SYNE2: variants seen among roughly 807,000 people sequenced by gnomAD.
The protein encoded by SYNE2 is spectrin repeat containing nuclear envelope protein 2.
In SYNE2, 431 loss-of-function variants were observed where a neutral mutation model predicts 856.3. The ratio of observed to expected loss-of-function variants is 0.50; its 90% CI spans 0.47 to 0.55. SYNE2 has a LOEUF of 0.55. Among genes scored for constraint, SYNE2 ranks in the 20% least tolerant of loss-of-function variants. The pLI is 0.00. For missense variants in SYNE2, 8,129 were observed against 8,023.2 expected (o/e 1.01, Z -0.50); for synonymous variants, 2,923 against 2,872.3 (o/e 1.02, Z -0.56).
chr14:64,186,429 A>G lies in SYNE2; in HGVS notation c.17562A>G (p.Leu5854=). 1 of 1,614,214 alleles carries G rather than the reference A, an allele frequency of 6.2e-7. No individual in the cohort carries two copies. Among genetic ancestry groups the G allele is most frequent in the Non-Finnish European group, 8.5e-7 (1 of 1,180,024 alleles). The change falls in exon 97 of 116, where the codon CTA becomes CTG. Residue 5854 remains leucine, a synonymous_variant. Transcript: ENST00000555002. ...LHNEKELIKE[L]EQSLASWTQN... is the part of the protein sequence containing the mutation. The stretch of plus-strand genomic sequence containing the variant: ...CTTCTTGTGATTAAATGCAGGAACT[A>G]GAACAGTCTTTGGCTAGCTGGACTC...
chr14:63,957,794 T>C (rs2096259427), intron 8 of SYNE2, among the ~76,000 whole-genome samples: 1 of 152,136 alleles, frequency 6.6e-6, no homozygotes, highest in Non-Finnish European at 1.5e-5. Context: ...ATCAAGGTTG[T>C]CATGGTGAAG....
At chr14:64,206,793 C>T (rs2098607329) in intron 100 of SYNE2, among the ~76,000 whole-genome samples, 2 of 151,964 alleles carry the variant, frequency 1.3e-5, no homozygotes, top group Admixed American at 1.3e-4. Flanking sequence ...CCACCTGGAG[C>T]CAGATGAGGT....
intron 96 of SYNE2, among the ~76,000 whole-genome samples, chr14:64,181,184 G>T (rs1371172438): frequency 1.1e-4 from 16 of 151,832 alleles, no homozygotes; most frequent in African/African-American, 3.6e-4. Flanking sequence ...GTCTTCCATT[G>T]TTGATTTTAG....
chr14:64,174,548 A>G (rs2098425049), intron 94 of SYNE2, among the ~76,000 whole-genome samples: 2 of 152,128 alleles, frequency 1.3e-5, no homozygotes, highest in Admixed American at 6.5e-5. Flanking sequence ...CTTTCCTTTT[A>G]CATTTGTTTA....
chr14:63,837,026 T>G (rs1318238410), intron 1 of SYNE2, among the ~76,000 whole-genome samples: 1 of 152,206 alleles, frequency 6.6e-6, no homozygotes, highest in Non-Finnish European at 1.5e-5. Flanking sequence ...AGCTTTTAAT[T>G]TGTGTTACTA....
At position 64,225,437 on chromosome 14, in the gene SYNE2, G is replaced by T. The variant is rs371152824; in HGVS notation, c.20635G>T (p.Glu6879Ter). 3 of 1,612,930 alleles carry T rather than the reference G, an allele frequency of 1.9e-6. No homozygotes were observed. Among genetic ancestry groups the T allele is most frequent in the African/African-American group, 2.7e-5 (2 of 74,902 alleles). Residue 6879 changes from glutamate to a stop codon, truncating the protein, a stop_gained, in exon 116 of 116, where the codon GAA (glutamate) becomes TAA (stop). Coordinates refer to ENST00000555002, the MANE Select transcript of SYNE2 (RefSeq NM_182914.3). LOFTEE classifies it high-confidence loss of function. ...CCTGGCCTGCCTGCTGCCCTCCTCC[G>T]AAGAAGACTACAGCTGCACTCAGGC... ...LLLACLLPSS[E>*]EDYSCTQANN...
intron 96 of SYNE2, among the ~76,000 whole-genome samples, chr14:64,183,624 A>C (rs1035071940): frequency 1.3e-5 from 2 of 152,188 alleles, no homozygotes; most frequent in Middle Eastern, 3.2e-3. Context: ...AGCCTGGGCA[A>C]CATTGAGCAC....
chr14:63,780,808 G>C (rs1458294157), intron 1 of SYNE2, among the ~76,000 whole-genome samples: 2 of 152,132 alleles, frequency 1.3e-5, no homozygotes, highest in Non-Finnish European at 2.9e-5. Flanking sequence ...TGCTTCATTT[G>C]CATGTTGTTC....
chr14:64,022,944 G>A (rs1594928826), intron 38 of SYNE2, 81 bp downstream of exon 38: 1 of 803,734 alleles, frequency 1.2e-6, no homozygotes, highest in Non-Finnish European at 2.1e-6. Flanking sequence ...AAATAAATAG[G>A]GAGGCTGGGC....
Position 63,982,770 on chromosome 14 carries a change from A to G in SYNE2, c.1977A>G (p.Arg659=), listed in dbSNP as rs1262751030. Residue 659 remains arginine, a synonymous_variant, in exon 17 of 116, where the codon AGA becomes AGG. Transcript: ENST00000555002. ...KELRRLNKRW[R]KLVSKTQLEM... ...TGAGAAGGCTGAATAAAAGATGGAG[A>G]AAGTTGGTTTCAAAAACTCAACTTG... 6.2e-7 allele frequency: 1 copy of G among 1,614,082 alleles called. No homozygotes were observed. The highest frequency in any genetic ancestry group is 1.7e-5 in the Admixed American group (1 of 60,018).
At chr14:64,159,923 C>T (rs1050634923) in intron 87 of SYNE2, among the ~76,000 whole-genome samples, 19 of 152,132 alleles carry the variant, frequency 1.2e-4, no homozygotes, top group Middle Eastern at 3.2e-3. Context: ...TGAAAGCTCC[C>T]TTTAAGGAGT....
intron 11 of SYNE2, among the ~76,000 whole-genome samples, chr14:63,969,550 C>T: frequency 6.6e-6 from 1 of 151,858 alleles, no homozygotes; most frequent in Non-Finnish European, 1.5e-5. Flanking sequence ...ACTGTTTTAG[C>T]CATGATGATC....
chr14:63,907,451 G>C (rs1372272463), intron 1 of SYNE2, among the ~76,000 whole-genome samples: 3 of 152,082 alleles, frequency 2.0e-5, no homozygotes, highest in Non-Finnish European at 4.4e-5. Context: ...TCTAAGCTTT[G>C]TCTTTTCAAA....
chr14:64,071,012 T>C (rs1191373092), intron 52 of SYNE2, 102 bp downstream of exon 52: 1 of 1,236,582 alleles, frequency 8.1e-7, no homozygotes, highest in Non-Finnish European at 1.2e-6. Flanking sequence ...TACAATAGAA[T>C]TGAGGTGAGA....
At chr14:64,100,529 AAAATATATATATATATATATATAT>A (rs1337555445) in intron 63 of SYNE2, among the ~76,000 whole-genome samples, 1 of 57,662 alleles carries the variant, frequency 1.7e-5, no homozygotes, top group African/African-American at 8.5e-5. Context: ...AAAAAAAAAA[AAAATATATATATATATATATATAT>A]ATATATATAT....
At chr14:64,189,446 G>A (rs1215966564) in intron 98 of SYNE2, among the ~76,000 whole-genome samples, 1 of 152,134 alleles carries the variant, frequency 6.6e-6, no homozygotes, top group Non-Finnish European at 1.5e-5. Context: ...CATTCTTGCT[G>A]TAGTCACCTA....
intron 36 of SYNE2, 56 bp from the exon 37 acceptor site, chr14:64,021,801 T>C: frequency 6.4e-7 from 1 of 1,570,048 alleles, no homozygotes; most frequent in South Asian, 1.1e-5. Context: ...TAATATGCTT[T>C]GTGTAATTTG....
intron 1 of SYNE2, among the ~76,000 whole-genome samples, chr14:63,891,714 C>G (rs553819340): frequency 6.6e-6 from 1 of 152,000 alleles, no homozygotes; most frequent in Non-Finnish European, 1.5e-5. Context: ...GAGACTTGGA[C>G]ATGACAAGAC....
intron 48 of SYNE2, among the ~76,000 whole-genome samples, chr14:64,054,090 T>G (rs541199057): frequency 6.6e-6 from 1 of 152,204 alleles, no homozygotes; most frequent in African/African-American, 2.4e-5. Context: ...ACGTAGAAAT[T>G]CTCTACAGAA....
Sources: allele counts gnomAD v4.1 joint callset (sites outside exome capture counted in the v4.1 genomes callset), GRCh38; gene constraint gnomAD v4.1.1; transcripts MANE v1.5; gene names NCBI Gene and HGNC (gene_info 2026-07-23, HGNC 2026-07-21).